EEFSEC: variants seen among roughly 807,000 people sequenced by gnomAD.
The protein encoded by EEFSEC is eukaryotic elongation factor, selenocysteine-tRNA specific.
In EEFSEC, 43 loss-of-function variants were observed where a neutral mutation model predicts 42.1. The observed-to-expected ratio is 1.02, with a 90% confidence interval of 0.80 to 1.32. The LOEUF is 1.32. Among genes scored for constraint, EEFSEC ranks in the 40% most tolerant of loss-of-function variants. The pLI, the probability that EEFSEC is intolerant of heterozygous loss-of-function variation, is 0.00. For missense variants in EEFSEC, 745 were observed against 803.6 expected (o/e 0.93, Z 0.88); for synonymous variants, 354 against 339.1 (o/e 1.04, Z -0.48).
intron 1 of EEFSEC, among the ~76,000 whole-genome samples, chr3:128,239,260 G>C (rs1358882249): frequency 6.6e-6 from 1 of 152,204 alleles, no homozygotes; most frequent in Non-Finnish European, 1.5e-5. Context: ...CTCCTCTGGA[G>C]GGCACAAGGC....
intron 4 of EEFSEC, among the ~76,000 whole-genome samples, chr3:128,313,158 G>T (rs537289797): frequency 7.2e-5 from 11 of 152,288 alleles, no homozygotes; most frequent in African/African-American, 2.4e-4. Flanking sequence ...GCCAGCTCTT[G>T]GAAAAGGCTA....
chr3:128,220,275 A>G (rs960111056), intron 1 of EEFSEC, among the ~76,000 whole-genome samples: 4 of 152,232 alleles, frequency 2.6e-5, no homozygotes, highest in African/African-American at 9.6e-5. Flanking sequence ...AGTTAAATGA[A>G]TTGAACACTT....
chr3:128,294,735 G>A (rs2066683605), intron 4 of EEFSEC, among the ~76,000 whole-genome samples: 1 of 152,244 alleles, frequency 6.6e-6, no homozygotes. Context: ...AGTGGAAAAG[G>A]TAAGGGGAGG....
chr3:128,315,372 T>C (rs552673039), intron 4 of EEFSEC, among the ~76,000 whole-genome samples: 1 of 152,196 alleles, frequency 6.6e-6, no homozygotes, highest in Non-Finnish European at 1.5e-5. Flanking sequence ...GATCTTTGAA[T>C]TGATGACCAC....
chr3:128,263,339 G>GC (rs1559892079), intron 3 of EEFSEC, among the ~76,000 whole-genome samples: 1 of 152,216 alleles, frequency 6.6e-6, no homozygotes, highest in Admixed American at 6.5e-5. Flanking sequence ...CAGCTTCACG[G>GC]CCCCCCTGCA....
At chr3:128,368,570 C>A (rs1382078757) in intron 6 of EEFSEC, among the ~76,000 whole-genome samples, 1 of 152,198 alleles carries the variant, frequency 6.6e-6, no homozygotes, top group Non-Finnish European at 1.5e-5. Flanking sequence ...ATGTTAAAAT[C>A]ACTCCCTGGA....
chr3:128,410,811 C>G (rs1368655702), downstream of EEFSEC, among the ~76,000 whole-genome samples: 1 of 152,146 alleles, frequency 6.6e-6, no homozygotes, highest in East Asian at 1.9e-4. Context: ...GCCGTTTTTC[C>G]AGGAACTCTG....
At chr3:128,338,854 C>T (rs1468957890) in intron 4 of EEFSEC, among the ~76,000 whole-genome samples, 4 of 152,122 alleles carry the variant, frequency 2.6e-5, no homozygotes, top group African/African-American at 9.7e-5. Context: ...CCATAGAATT[C>T]CAGCTGACCA....
intron 4 of EEFSEC, among the ~76,000 whole-genome samples, chr3:128,290,160 C>T (rs1447723968): frequency 6.6e-6 from 1 of 152,118 alleles, no homozygotes; most frequent in Non-Finnish European, 1.5e-5. Flanking sequence ...CTTTGCCTAT[C>T]CCAGAATTGT....
At chr3:128,208,954 A>C (rs2065728075) in intron 1 of EEFSEC, among the ~76,000 whole-genome samples, 1 of 152,196 alleles carries the variant, frequency 6.6e-6, no homozygotes, top group South Asian at 2.1e-4. Flanking sequence ...AGAACAACTG[A>C]TTCTATGTGG....
chr3:128,310,112 G>A (rs1045241536), intron 4 of EEFSEC, among the ~76,000 whole-genome samples: 1 of 152,212 alleles, frequency 6.6e-6, no homozygotes, highest in African/African-American at 2.4e-5. Flanking sequence ...AAAAGCAGGT[G>A]TCACCATTAT....
intron 6 of EEFSEC, among the ~76,000 whole-genome samples, chr3:128,401,613 A>G (rs755971262): frequency 1.3e-5 from 2 of 152,162 alleles, no homozygotes; most frequent in Non-Finnish European, 2.9e-5. Context: ...ATGGTACATG[A>G]TGGCGTCAGA....
chr3:128,376,264 C>T (rs986298195), intron 6 of EEFSEC, among the ~76,000 whole-genome samples: 1 of 152,332 alleles, frequency 6.6e-6, no homozygotes, highest in Admixed American at 6.5e-5. Flanking sequence ...CAAGGAAAAC[C>T]AGGGGCTGTT....
At chr3:128,296,583 G>T (rs149895436) in intron 4 of EEFSEC, among the ~76,000 whole-genome samples, 3 of 152,036 alleles carry the variant, frequency 2.0e-5, no homozygotes, top group Non-Finnish European at 2.9e-5. Flanking sequence ...GTGTCTCCTC[G>T]TCATCCGCAC....
chr3:128,395,352 T>C (rs2067968959), intron 6 of EEFSEC, among the ~76,000 whole-genome samples: 1 of 152,174 alleles, frequency 6.6e-6, no homozygotes, highest in African/African-American at 2.4e-5. Flanking sequence ...ATTGAGGCCA[T>C]GCTGCCTCAC....
At chr3:128,264,953 T>G (rs2811543) in intron 4 of EEFSEC, among the ~76,000 whole-genome samples, 172 bp downstream of exon 4, 127,428 of 151,832 alleles carry the variant, frequency 0.84, 53,951 homozygotes, top group East Asian at 0.99. Context: ...CTCCAAGTCT[T>G]TCAACTCAGA....
At chr3:128,416,002 C>A in the EEFSEC span, among the ~76,000 whole-genome samples, 1 of 152,228 alleles carries the variant, frequency 6.6e-6, no homozygotes, top group African/African-American at 2.4e-5. Context: ...ACAGAGCAGG[C>A]GTTGGGGACC....
At chr3:128,262,875 C>T (rs1397110778) in intron 3 of EEFSEC, among the ~76,000 whole-genome samples, 1 of 152,144 alleles carries the variant, frequency 6.6e-6, no homozygotes, top group Non-Finnish European at 1.5e-5. Context: ...CAGAGTTCCT[C>T]CACAGAGTGC....
At chr3:128,424,836 C>A in the EEFSEC span, among the ~76,000 whole-genome samples, 1 of 152,084 alleles carries the variant, frequency 6.6e-6, no homozygotes, top group African/African-American at 2.4e-5. Flanking sequence ...CCGTGTCTCC[C>A]GCCCCACCCC....
Sources: gnomAD v4.1 joint callset for allele counts (sites outside exome capture counted in the v4.1 genomes callset) on GRCh38, gnomAD v4.1.1 for gene constraint, MANE v1.5 for transcripts, NCBI Gene and HGNC (gene_info 2026-07-23, HGNC 2026-07-21) for gene names.